The following ATP6V1H variants were observed in gnomAD, a reference collection of about 807,000 sequenced individuals.
ATP6V1H encodes the protein ATPase H+ transporting V1 subunit H.
ATP6V1H carries 39 observed loss-of-function variants against 71.7 expected under a neutral mutation model. That is an observed-to-expected ratio of 0.54 (90% CI 0.42 to 0.71). The LOEUF (loss-of-function observed/expected upper bound fraction) is 0.71, where lower values mean the gene tolerates loss of function less well. Ranked by LOEUF, ATP6V1H falls within the 30% of genes least tolerant of loss-of-function variation. The pLI is 0.00. For synonymous variants in ATP6V1H, 192 were observed against 199.3 expected (o/e 0.96, Z 0.31); for missense variants, 509 against 594.9 (o/e 0.86, Z 1.50).
chr8:53,739,658 C>T (rs990436624), intron 13 of ATP6V1H: 2 of 152,184 alleles, frequency 1.3e-5, no homozygotes, highest in Non-Finnish European at 2.9e-5. Context: ...AGGAGAAAAA[C>T]GATGACATCT....
At chr8:53,767,939 C>T (rs2130305137) in intron 11 of ATP6V1H, among the ~76,000 whole-genome samples, 1 of 152,304 alleles carries the variant, frequency 6.6e-6, no homozygotes, top group African/African-American at 2.4e-5. Flanking sequence ...ACAAATTAGA[C>T]TTGATCGAAA....
chr8:53,839,845 C>A (rs1008598277), intron 2 of ATP6V1H: 1 of 985,466 alleles, frequency 1.0e-6, no homozygotes, highest in African/African-American at 1.7e-5. Context: ...GCTTAAAAAT[C>A]AGCTTGAAAA....
At chr8:53,825,482 G>A (rs1251117446) in intron 4 of ATP6V1H, among the ~76,000 whole-genome samples, 1 of 151,572 alleles carries the variant, frequency 6.6e-6, no homozygotes, top group Non-Finnish European at 1.5e-5. Context: ...TAAATACTGG[G>A]GGAAAAAAAA....
intron 13 of ATP6V1H, among the ~76,000 whole-genome samples, chr8:53,734,263 G>A (rs922463336): frequency 1.3e-5 from 2 of 152,240 alleles, no homozygotes; most frequent in African/African-American, 4.8e-5. Flanking sequence ...GCATAACTGT[G>A]TAGAGGTGCT....
chr8:53,723,654 C>A (rs1160824304), intron 13 of ATP6V1H, among the ~76,000 whole-genome samples: 3 of 152,158 alleles, frequency 2.0e-5, no homozygotes, highest in Non-Finnish European at 4.4e-5. Flanking sequence ...ATCTCCCTAC[C>A]TGGATGTGTT....
chr8:53,768,786 G>A (rs1326042005), intron 11 of ATP6V1H, among the ~76,000 whole-genome samples: 1 of 152,138 alleles, frequency 6.6e-6, no homozygotes, highest in East Asian at 1.9e-4. Flanking sequence ...TGGATAGAGA[G>A]GTGACGGCCA....
chr8:53,803,064 C>A (rs1428999496), intron 7 of ATP6V1H, among the ~76,000 whole-genome samples: 1 of 152,096 alleles, frequency 6.6e-6, no homozygotes, highest in Non-Finnish European at 1.5e-5. Context: ...AGGCTGGGTG[C>A]GGTGGCTCAC....
chr8:53,756,069 CTTTTTTTT>C (rs199967847), intron 12 of ATP6V1H, among the ~76,000 whole-genome samples: 14 of 96,580 alleles, frequency 1.4e-4, no homozygotes, highest in African/African-American at 6.2e-4. Flanking sequence ...TTTTTCTTTT[CTTTTTTTT>C]TTTTTTTTTT....
chr8:53,817,459 A>G lies in ATP6V1H; in HGVS notation c.378T>C (p.Phe126=), dbSNP rs2130481756. 1.2e-6 allele frequency: 2 copies of G among 1,613,824 alleles called. No homozygotes were observed. Among genetic ancestry groups the G allele is most frequent in the East Asian group, 2.2e-5 (1 of 44,874 alleles). Residue 126 remains phenylalanine, a synonymous_variant, in exon 5 of 14, where the codon TTT becomes TTC. Transcript: ENST00000359530. ...GATCCTGGCGATTCAACATTGGCAGAAAGTAGGGCCACGCAGTGTTCTTGC... is the reference window on the plus strand; with the variant it reads ...GATCCTGGCGATTCAACATTGGCAGGAAGTAGGGCCACGCAGTGTTCTTGC... ...RCSKNTAWPY[F]LPMLNRQDPF...
intron 9 of ATP6V1H, among the ~76,000 whole-genome samples, chr8:53,782,354 G>C (rs1809180551): frequency 6.6e-6 from 1 of 151,982 alleles, no homozygotes; most frequent in Non-Finnish European, 1.5e-5. Context: ...TCTGTTACTG[G>C]TGTATAGGAA....
At chr8:53,817,126 G>A (rs996320655) in intron 5 of ATP6V1H, among the ~76,000 whole-genome samples, 1 of 151,892 alleles carries the variant, frequency 6.6e-6, no homozygotes, top group Admixed American at 6.6e-5. Flanking sequence ...TGTCATAAAA[G>A]GCCCAGGTTT....
At chr8:53,755,919 G>A (rs1450837529) in intron 12 of ATP6V1H, among the ~76,000 whole-genome samples, 31 of 126,180 alleles carry the variant, frequency 2.5e-4, no homozygotes, top group Non-Finnish European at 4.0e-4. Flanking sequence ...CACTACGCCC[G>A]GCTAATTTTT....
intron 12 of ATP6V1H, 141 bp downstream of exon 12, chr8:53,756,414 A>T: frequency 1.6e-6 from 1 of 626,944 alleles, no homozygotes; most frequent in East Asian, 2.8e-5. Context: ...GTTTATCATA[A>T]TTCTCACTAT....
At chr8:53,755,384 C>T (rs921559327) in intron 12 of ATP6V1H, among the ~76,000 whole-genome samples, 3 of 151,368 alleles carry the variant, frequency 2.0e-5, no homozygotes, top group Non-Finnish European at 2.9e-5. Flanking sequence ...AAGGGACAAG[C>T]GTACTTCTGC....
intron 6 of ATP6V1H, among the ~76,000 whole-genome samples, chr8:53,813,675 A>C (rs1006651711): frequency 6.6e-6 from 1 of 152,208 alleles, no homozygotes; most frequent in Non-Finnish European, 1.5e-5. Context: ...AACACTCCAC[A>C]GAGCCATCAT....
intron 2 of ATP6V1H, among the ~76,000 whole-genome samples, chr8:53,837,550 C>T (rs922706859): frequency 1.3e-5 from 2 of 150,282 alleles, no homozygotes; most frequent in Non-Finnish European, 2.9e-5. Context: ...TATACAGCCA[C>T]ACAAATGAAG....
chr8:53,742,817 A>T (rs534775737), intron 13 of ATP6V1H, among the ~76,000 whole-genome samples: 1 of 152,308 alleles, frequency 6.6e-6, no homozygotes, highest in East Asian at 1.9e-4. Flanking sequence ...TGTCAGTTAC[A>T]AGCAATGTAT....
chr8:53,723,828 GGA>G (rs1213109485), intron 13 of ATP6V1H, among the ~76,000 whole-genome samples: 2 of 152,094 alleles, frequency 1.3e-5, no homozygotes, highest in African/African-American at 2.4e-5. Context: ...CCTCACCGTG[GGA>G]TGAACCATCT....
At chr8:53,759,268 A>G (rs1461966275) in intron 11 of ATP6V1H, among the ~76,000 whole-genome samples, 5 of 152,246 alleles carry the variant, frequency 3.3e-5, no homozygotes, top group African/African-American at 1.2e-4. Context: ...ATCTTCAGCA[A>G]CAATGAAAAC....
Sources: allele counts gnomAD v4.1 joint callset (sites outside exome capture counted in the v4.1 genomes callset), GRCh38; gene constraint gnomAD v4.1.1; transcripts MANE v1.5; gene names NCBI Gene and HGNC (gene_info 2026-07-23, HGNC 2026-07-21).